The following TAB2 variants were observed in gnomAD, a reference collection of about 807,000 sequenced individuals.
The protein encoded by TAB2 is TGF-beta activated kinase 1 (MAP3K7) binding protein 2.
TAB2 carries 3 observed loss-of-function variants against 65.0 expected under a neutral mutation model. The ratio of observed to expected loss-of-function variants is 0.05; its 90% CI spans 0.02 to 0.12. The LOEUF is 0.12. Among genes scored for constraint, TAB2 ranks in the 10% least tolerant of loss-of-function variants. The pLI is 1.00. For missense variants in TAB2, 623 were observed against 840.3 expected (o/e 0.74, Z 3.20); for synonymous variants, 298 against 285.1 (o/e 1.05, Z -0.46).
intron 1 of TAB2, among the ~76,000 whole-genome samples, chr6:149,278,653 C>A (rs560620089): frequency 6.6e-6 from 1 of 151,904 alleles, no homozygotes; most frequent in African/African-American, 2.4e-5. Flanking sequence ...AAAGATGATG[C>A]GTTTGGGAAA....
intron 1 of TAB2, among the ~76,000 whole-genome samples, chr6:149,287,914 C>T (rs1295838213): frequency 2.0e-5 from 3 of 152,154 alleles, no homozygotes; most frequent in East Asian, 1.9e-4. Context: ...AATCGTTTCT[C>T]ACTATATAGT....
intron 1 of TAB2, among the ~76,000 whole-genome samples, chr6:149,269,348 T>C (rs1270978299): frequency 1.3e-5 from 2 of 152,254 alleles, no homozygotes; most frequent in African/African-American, 4.8e-5. Context: ...CTATGAATTA[T>C]GTGTATGTGA....
At chr6:149,381,894 C>G (rs969392870) in intron 3 of TAB2, among the ~76,000 whole-genome samples, 2 of 152,118 alleles carry the variant, frequency 1.3e-5, no homozygotes, top group Non-Finnish European at 2.9e-5. Context: ...CTTCCCCCAT[C>G]ATCACTACTG....
chr6:149,225,904 T>A (rs1777263832), intron 1 of TAB2, among the ~76,000 whole-genome samples: 2 of 150,658 alleles, frequency 1.3e-5, no homozygotes, highest in African/African-American at 2.4e-5. Flanking sequence ...GAATCCGAGA[T>A]CAAAGCACTA....
At chr6:149,302,571 G>A (rs1344309374) in intron 1 of TAB2, among the ~76,000 whole-genome samples, 1 of 152,146 alleles carries the variant, frequency 6.6e-6, no homozygotes, top group Non-Finnish European at 1.5e-5. Flanking sequence ...AGTTACTATT[G>A]CAGTCTCCTT....
At position 149,363,490 on chromosome 6, in the gene TAB2, C is replaced by G. The variant is rs149337970; in HGVS notation, c.-89-6419C>G. On this transcript the variant is annotated intron_variant, in intron 1 of 6. Transcript: ENST00000637181. ...TTTAAACTGTTTACATGTTTTCTTT[C>G]TTAAACATTTTTTAAAGTTTCATTA... is the stretch of plus-strand genomic sequence containing the variant. Among the ~76,000 whole-genome samples, 153 of 152,218 alleles carry G rather than the reference C, an allele frequency of 1.0e-3. 1 individual carries two copies. Among genetic ancestry groups the G allele is most frequent in the Middle Eastern group, 6.8e-3 (2 of 294 alleles).
At chr6:149,247,719 T>G (rs1270605626) in intron 1 of TAB2, 1 of 152,242 alleles carries the variant, frequency 6.6e-6, no homozygotes, top group Non-Finnish European at 1.5e-5. Context: ...TCTGTTATTT[T>G]CAGTAAGCTC....
At chr6:149,285,288 C>G (rs1425077494) in intron 1 of TAB2, among the ~76,000 whole-genome samples, 1 of 152,088 alleles carries the variant, frequency 6.6e-6, no homozygotes, top group Non-Finnish European at 1.5e-5. Flanking sequence ...AGCAGGGGAC[C>G]CCTGGGGGTA....
At chr6:149,369,803 ATGTT>A (rs1781159858) in intron 1 of TAB2, 102 bp from the exon 2 acceptor site, 8 of 610,672 alleles carry the variant, frequency 1.3e-5, no homozygotes, top group Admixed American at 8.8e-5. Context: ...ATAGTTTATA[ATGTT>A]AAGTGCTAAA....
chr6:149,303,894 C>G (rs747056794), intron 1 of TAB2, among the ~76,000 whole-genome samples: 1 of 152,114 alleles, frequency 6.6e-6, no homozygotes, highest in Non-Finnish European at 1.5e-5. Context: ...GTGGTGAGTG[C>G]CTTGAGGGAG....
chr6:149,356,376 AG>A (rs1186781279), intron 1 of TAB2, among the ~76,000 whole-genome samples: 1 of 152,232 alleles, frequency 6.6e-6, no homozygotes, highest in African/African-American at 2.4e-5. Context: ...TACAGAAATA[AG>A]ATGATAATCT....
intron 1 of TAB2, among the ~76,000 whole-genome samples, chr6:149,340,665 G>A (rs1221917169): frequency 6.6e-6 from 1 of 152,042 alleles, no homozygotes; most frequent in African/African-American, 2.4e-5. Flanking sequence ...TAAACTGAAA[G>A]CCTATTCATA....
At chr6:149,372,050 A>C (rs1477678425) in intron 2 of TAB2, among the ~76,000 whole-genome samples, 3 of 152,208 alleles carry the variant, frequency 2.0e-5, no homozygotes, top group Non-Finnish European at 2.9e-5. Context: ...TTCTTTGATA[A>C]ATTTCTGTAG....
chr6:149,376,493 C>T (rs984312691), intron 2 of TAB2, among the ~76,000 whole-genome samples: 4 of 152,212 alleles, frequency 2.6e-5, no homozygotes, highest in African/African-American at 9.7e-5. Flanking sequence ...TTTTACTTAA[C>T]TCTCACCTTT....
intron 1 of TAB2, chr6:149,247,193 T>G (rs922070914): frequency 6.6e-6 from 1 of 152,340 alleles, no homozygotes; most frequent in African/African-American, 2.4e-5. Flanking sequence ...CATCATCCCG[T>G]GTGGCTCCCA....
intron 6 of TAB2, among the ~76,000 whole-genome samples, chr6:149,407,040 G>A (rs1341918384): frequency 1.3e-5 from 2 of 152,074 alleles, no homozygotes; most frequent in Non-Finnish European, 2.9e-5. Context: ...TGTATAATTA[G>A]GTGTAGCTCT....
chr6:149,226,638 C>T (rs776229825), intron 1 of TAB2, among the ~76,000 whole-genome samples: 19 of 152,326 alleles, frequency 1.2e-4, no homozygotes, highest in Non-Finnish European at 1.6e-4. Flanking sequence ...AGCTCTTGGA[C>T]CCTTCAAATC....
chr6:149,371,549 G>C (rs1199476065), intron 2 of TAB2, among the ~76,000 whole-genome samples: 1 of 152,160 alleles, frequency 6.6e-6, no homozygotes, highest in African/African-American at 2.4e-5. Context: ...AAACCAAACT[G>C]AGTTCAAGTT....
intron 1 of TAB2, among the ~76,000 whole-genome samples, chr6:149,256,495 TGAA>T (rs1290832101): frequency 2.0e-5 from 3 of 152,208 alleles, no homozygotes; most frequent in Non-Finnish European, 2.9e-5. Context: ...TTTCTTTATA[TGAA>T]GAAGAGACCC....
Sources: gnomAD v4.1 joint callset for allele counts (sites outside exome capture counted in the v4.1 genomes callset) on GRCh38, gnomAD v4.1.1 for gene constraint, MANE v1.5 for transcripts, NCBI Gene and HGNC (gene_info 2026-07-23, HGNC 2026-07-21) for gene names.